Variants in DCDC2 observed in about 807,000 individuals in gnomAD.
DCDC2 encodes the protein doublecortin domain-containing protein 2.
Under a neutral mutation model 50.2 loss-of-function variants are expected in DCDC2, and 40 were observed. The ratio of observed to expected loss-of-function variants is 0.80; its 90% CI spans 0.62 to 1.04. DCDC2 has a LOEUF of 1.04. Ranked by LOEUF, DCDC2 falls within the 50% of genes least tolerant of loss-of-function variation. DCDC2 has a pLI of 0.00. For synonymous variants in DCDC2, 234 were observed against 210.6 expected (o/e 1.11, Z -0.96); for missense variants, 570 against 581.9 (o/e 0.98, Z 0.21).
chr6:24,220,378 C>T (rs189218073), intron 7 of DCDC2, among the ~76,000 whole-genome samples: 16 of 152,026 alleles, frequency 1.1e-4, no homozygotes, highest in Admixed American at 1.0e-3. Context: ...AAGTAGCAAA[C>T]AAATTAACAA....
At chr6:24,210,558 G>A (rs1761844880) in intron 7 of DCDC2, among the ~76,000 whole-genome samples, 1 of 152,048 alleles carries the variant, frequency 6.6e-6, no homozygotes, top group South Asian at 2.1e-4. Flanking sequence ...CTTTTAAAAT[G>A]TATCTCAAAT....
intron 4 of DCDC2, among the ~76,000 whole-genome samples, chr6:24,291,616 G>A (rs867292701): frequency 1.3e-5 from 2 of 149,002 alleles, no homozygotes; most frequent in African/African-American, 4.9e-5. Context: ...CTCCCAAGTA[G>A]CTGGGACTAC....
At chr6:24,294,215 T>G (rs1763812756) in intron 4 of DCDC2, among the ~76,000 whole-genome samples, 1 of 151,878 alleles carries the variant, frequency 6.6e-6, no homozygotes, top group African/African-American at 2.4e-5. Context: ...AAAAATTAGC[T>G]GGGTATGGTG....
At chr6:24,278,963 T>C (rs535462310) in intron 6 of DCDC2, among the ~76,000 whole-genome samples, 3 of 152,254 alleles carry the variant, frequency 2.0e-5, no homozygotes, top group African/African-American at 7.2e-5. Flanking sequence ...GCGCAGCTGC[T>C]TGCCCCTACT....
chr6:24,326,174 GAAGGAAGGAAGGAAGGAAGA>G (rs1170056215), intron 2 of DCDC2, among the ~76,000 whole-genome samples: 2 of 134,326 alleles, frequency 1.5e-5, no homozygotes, highest in South Asian at 2.8e-4. Context: ...GGAAAGGAAG[GAAGGAAGGAAGGAAGGAAGA>G]AAGGAAGGAA....
At chr6:24,210,274 G>A (rs1006962229) in intron 7 of DCDC2, among the ~76,000 whole-genome samples, 4 of 152,040 alleles carry the variant, frequency 2.6e-5, no homozygotes, top group Admixed American at 6.6e-5. Flanking sequence ...TCTCTAATAC[G>A]TATATTCAGC....
At chr6:24,232,769 G>C (rs1260342474) in intron 7 of DCDC2, among the ~76,000 whole-genome samples, 3 of 151,990 alleles carry the variant, frequency 2.0e-5, no homozygotes, top group African/African-American at 7.3e-5. Context: ...CCTTCCAGAA[G>C]GTCAGTGCTC....
At chr6:24,346,380 G>A (rs769291288) in intron 2 of DCDC2, among the ~76,000 whole-genome samples, 8 of 152,128 alleles carry the variant, frequency 5.3e-5, no homozygotes, top group Non-Finnish European at 1.0e-4. Flanking sequence ...TAAGAGTGGG[G>A]AAGTACAACA....
intron 7 of DCDC2, among the ~76,000 whole-genome samples, chr6:24,241,940 G>A (rs1218420670): frequency 1.3e-5 from 2 of 152,208 alleles, no homozygotes; most frequent in Non-Finnish European, 2.9e-5. Context: ...GGGAGGCTGA[G>A]GTGGAAGGAT....
At chr6:24,330,295 C>A (rs537354874) in intron 2 of DCDC2, among the ~76,000 whole-genome samples, 1 of 152,212 alleles carries the variant, frequency 6.6e-6, no homozygotes, top group South Asian at 2.1e-4. Flanking sequence ...TACCAAACAA[C>A]CCCGGGCTGA....
intron 7 of DCDC2, among the ~76,000 whole-genome samples, chr6:24,255,567 TAAAG>T (rs910541126): frequency 6.6e-5 from 10 of 152,014 alleles, no homozygotes; most frequent in African/African-American, 2.4e-4. Context: ...GAATCACAAA[TAAAG>T]AACTCTTACA....
At chr6:24,350,767 A>G (rs1204842901) in intron 2 of DCDC2, among the ~76,000 whole-genome samples, 1 of 152,186 alleles carries the variant, frequency 6.6e-6, no homozygotes, top group Non-Finnish European at 1.5e-5. Context: ...ATATATCATC[A>G]TACTCCAAAG....
chr6:24,236,199 G>A lies in DCDC2; in HGVS notation c.923-31097C>T, dbSNP rs556932724. 4.6e-5 allele frequency among the ~76,000 whole-genome samples: 7 copies of A among 152,114 alleles called. No homozygotes were observed. In the South Asian group the frequency reaches 1.5e-3, roughly 32 times the overall value. Reference sequence around the variant, plus strand: ...TACCTGACTTCAAACTATACTAAAAGGCTAAAGTAACCCAAACAGCATGGC... The same window carrying A: ...TACCTGACTTCAAACTATACTAAAAAGCTAAAGTAACCCAAACAGCATGGC... On this transcript the variant is annotated intron_variant, in intron 7 of 9. Coordinates refer to ENST00000378454, the MANE Select transcript of DCDC2 (RefSeq NM_016356.5).
chr6:24,224,525 G>A (rs1426353609), intron 7 of DCDC2, among the ~76,000 whole-genome samples: 2 of 152,208 alleles, frequency 1.3e-5, no homozygotes, highest in Admixed American at 6.5e-5. Flanking sequence ...CATGTGGTGT[G>A]TACATGCATG....
chr6:24,271,894 A>G (rs1030040944), intron 7 of DCDC2, among the ~76,000 whole-genome samples: 1 of 152,334 alleles, frequency 6.6e-6, no homozygotes, highest in African/African-American at 2.4e-5. Context: ...TCTGTAATTC[A>G]ACACCTCACA....
At chr6:24,235,866 C>T (rs529773309) in intron 7 of DCDC2, among the ~76,000 whole-genome samples, 8 of 152,128 alleles carry the variant, frequency 5.3e-5, no homozygotes, top group East Asian at 1.9e-4. Flanking sequence ...AATAGCCATA[C>T]GCAAAAATAA....
chr6:24,359,919 T>G (rs1016189041), upstream of DCDC2, among the ~76,000 whole-genome samples: 1 of 152,124 alleles, frequency 6.6e-6, no homozygotes, highest in African/African-American at 2.4e-5. Context: ...GGGGCCCTGG[T>G]TGGGGAGGCG....
the DCDC2 span, among the ~76,000 whole-genome samples, chr6:24,372,138 T>G: frequency 3.3e-5 from 5 of 152,138 alleles, no homozygotes; most frequent in Non-Finnish European, 7.4e-5. Context: ...CAAAGGATTA[T>G]AGGCCGGGCG....
At chr6:24,237,152 T>A (rs1191996321) in intron 7 of DCDC2, among the ~76,000 whole-genome samples, 2 of 151,442 alleles carry the variant, frequency 1.3e-5, no homozygotes, top group Non-Finnish European at 2.9e-5. Flanking sequence ...GAGATAACTG[T>A]CTCACTCTAG....
Sources: gnomAD v4.1 joint callset for allele counts (sites outside exome capture counted in the v4.1 genomes callset) on GRCh38, gnomAD v4.1.1 for gene constraint, MANE v1.5 for transcripts, NCBI Gene and HGNC (gene_info 2026-07-23, HGNC 2026-07-21) for gene names.